Variants in EPO observed in about 807,000 individuals in gnomAD.
The protein encoded by EPO is erythropoietin, also known as epoetin.
In EPO, 12 loss-of-function variants were observed where a neutral mutation model predicts 24.4. The ratio of observed to expected loss-of-function variants is 0.49; its 90% CI spans 0.32 to 0.80. EPO has a LOEUF of 0.80. Ranked by LOEUF, EPO falls within the 30% of genes least tolerant of loss-of-function variation. The probability of loss-of-function intolerance (pLI) is 0.04; values close to 1 mark genes in which losing one functional copy is unlikely to be tolerated. For synonymous variants in EPO, 107 were observed against 104.0 expected (o/e 1.03, Z -0.18); for missense variants, 210 against 238.0 (o/e 0.88, Z 0.77).
At chr7:100,722,196 C>G in intron 3 of EPO, 148 bp downstream of exon 3, 1 of 759,764 alleles carries the variant, frequency 1.3e-6, no homozygotes. Context: ...CGTCTATAAT[C>G]CCAGGCTGAG....
In EPO at chr7:100,720,858, A is replaced by C; in HGVS notation, c.-123A>C. 1 of 1,220,312 alleles carries C rather than the reference A, an allele frequency of 8.2e-7. No homozygotes were observed. The highest frequency in any genetic ancestry group is 1.1e-6 in the Non-Finnish European group (1 of 941,946). The allele number at this position is 1,220,312 out of a possible 1,614,324, so 75.6% of individuals were successfully genotyped here. ...TGCTCCGACACCGCGCCCCCTGGAC[A>C]GCCGCCCTCTCCTCCAGGCCCGTGG... On this transcript the variant is annotated 5_prime_UTR_variant, in exon 1 of 5. Coordinates refer to ENST00000252723, the MANE Select transcript of EPO (RefSeq NM_000799.4).
In EPO at chr7:100,720,952, T is replaced by G. The variant is rs1048551551; in HGVS notation, c.-29T>G. On this transcript the variant is annotated 5_prime_UTR_variant, in exon 1 of 5. Transcript: ENST00000252723. ...GTGTGGTCACCCGGCGCGCCCCAGG[T>G]CGCTGAGGGACCCCGGCCAGGCGCG... The G allele has an allele frequency of 4.5e-6, 7 of 1,555,250 alleles. No individual in the cohort carries two copies. In the African/African-American group the frequency reaches 8.3e-5, roughly 18 times the overall value.
intron 4 of EPO, 47 bp downstream of exon 4, chr7:100,722,890 A>T (rs773954008): frequency 1.2e-6 from 2 of 1,607,288 alleles, no homozygotes; most frequent in South Asian, 2.2e-5. Context: ...TAAGAAGGGG[A>T]GAAGGGTCTT....
rs1175528789 is a variant in EPO at position 100,721,399 on chromosome 7, C to G, written c.14-159C>G. On this transcript the variant is annotated intron_variant, in intron 1 of 4. Coordinates refer to ENST00000252723, the MANE Select transcript of EPO (RefSeq NM_000799.4). The surrounding 1 kb of genome is among the most constrained non-coding windows in gnomAD (Gnocchi z 4.0). ...TGGGGGTGGGGTGTGCACACGGCAG[C>G]AGGATTGAATGAAGGCCAGGGAGGC... Among the ~76,000 whole-genome samples, 1 of 152,086 alleles carries G rather than the reference C, an allele frequency of 6.6e-6. No individual in the cohort carries two copies. The highest frequency in any genetic ancestry group is 1.5e-5 in the Non-Finnish European group (1 of 68,016).
chr7:100,722,668 G>A lies in EPO; in HGVS notation c.251G>A (p.Gly84Glu). The A allele has an allele frequency of 1.3e-6, 2 of 1,590,964 alleles. No individual in the cohort carries two copies. The highest frequency in any genetic ancestry group is 1.4e-5 in the African/African-American group (1 of 73,454). Reference protein sequence around the residue: ...NFYAWKRMEVGQQAVEVWQGL... With the variant: ...NFYAWKRMEVEQQAVEVWQGL... ...CCCAGAGTCCACTCCCTGTAGGTCGGGCAGCAGGCCGTAGAAGTCTGGCAG... is the reference window on the plus strand; with the variant it reads ...CCCAGAGTCCACTCCCTGTAGGTCGAGCAGCAGGCCGTAGAAGTCTGGCAG... The change falls in exon 4 of 5, where the codon GGG becomes GAG. Residue 84 changes from glycine to glutamate, a missense_variant. Gly to Glu is a moderately conservative substitution (Grantham distance 98). Transcript: ENST00000252723.
At position 100,723,059 on chromosome 7, in the gene EPO, C is replaced by T. The variant is rs752755372; in HGVS notation, c.508C>T (p.Arg170Ter). The T allele has an allele frequency of 8.1e-6, 13 of 1,614,134 alleles. No individual in the cohort carries two copies. Among genetic ancestry groups the T allele is most frequent in the Middle Eastern group, 1.6e-4 (1 of 6,062 alleles). ...ITADTFRKLF[R>*]VYSNFLRGKL... ...TGCTGACACTTTCCGCAAACTCTTC[C>T]GAGTCTACTCCAATTTCCTCCGGGG... Residue 170 changes from arginine (R) to a stop codon, truncating the protein, a stop_gained, in exon 5 of 5, where the codon CGA becomes TGA. Transcript: ENST00000252723. LOFTEE classifies it high-confidence loss of function.
chr7:100,722,012 C>G lies in EPO; in HGVS notation c.210C>G (p.Asp70Glu). The G allele has an allele frequency of 1.2e-6, 2 of 1,612,100 alleles. No homozygotes were observed. The highest frequency in any genetic ancestry group is 2.2e-5 in the East Asian group (1 of 44,874). Residue 70 changes from aspartate (D) to glutamate (E), a missense_variant, in exon 3 of 5, where the codon GAC (aspartate) becomes GAG (glutamate). By Grantham distance (45) the Asp-to-Glu change is conservative (BLOSUM62 2). Transcript: ENST00000252723. ...TGAATGAGAATATCACTGTCCCAGA[C>G]ACCAAAGTTAATTTCTATGCCTGGA... ...CSLNENITVP[D>E]TKVNFYAWKR...
rs749028009 is a variant in EPO, at chr7:100,723,091, G to A, written c.540G>A (p.Leu180=). 117 of 1,613,992 alleles carry A rather than the reference G, an allele frequency of 7.2e-5. 1 individual carries two copies. In the Admixed American group the frequency reaches 1.7e-3, roughly 23 times the overall value. The change falls in exon 5 of 5, where the codon CTG becomes CTA. Residue 180 remains leucine (L), a synonymous_variant. Coordinates refer to ENST00000252723, the MANE Select transcript of EPO (RefSeq NM_000799.4). ...ACTCCAATTTCCTCCGGGGAAAGCTGAAGCTGTACACAGGGGAGGCCTGCA... is the reference window on the plus strand; with the variant it reads ...ACTCCAATTTCCTCCGGGGAAAGCTAAAGCTGTACACAGGGGAGGCCTGCA... ...RVYSNFLRGK[L]KLYTGEACRT...
At chr7:100,722,143 A>G in intron 3 of EPO, 95 bp downstream of exon 3, 1 of 1,204,970 alleles carries the variant, frequency 8.3e-7, no homozygotes, top group Non-Finnish European at 1.1e-6. Flanking sequence ...GGGAAAGGTA[A>G]AATGGAGCAG....
In EPO at chr7:100,721,536, T is replaced by C. The variant is rs1259439122; in HGVS notation, c.14-22T>C. 1 of 1,610,162 alleles carries C rather than the reference T, an allele frequency of 6.2e-7. No homozygotes were observed. The highest frequency in any genetic ancestry group is 1.3e-5 in the African/African-American group (1 of 74,976). On this transcript the variant is annotated intron_variant, in intron 1 of 4. Transcript: ENST00000252723. The surrounding 1 kb of genome is among the most constrained non-coding windows in gnomAD (Gnocchi z 4.0). ...ACCCTTCTCCCTCCCCGCCTGACTC[T>C]CAGCCTGGCTATCTGTTCTAGAATG...
In EPO at chr7:100,723,055, C is replaced by T; in HGVS notation, c.504C>T (p.Leu168=). Residue 168 remains leucine, a synonymous_variant, in exon 5 of 5, where the codon CTC becomes CTT. Coordinates refer to ENST00000252723, the MANE Select transcript of EPO (RefSeq NM_000799.4). The part of the protein sequence containing the change: ...RTITADTFRK[L]FRVYSNFLRG... ...TCACTGCTGACACTTTCCGCAAACT[C>T]TTCCGAGTCTACTCCAATTTCCTCC... The T allele has an allele frequency of 6.2e-7, 1 of 1,614,184 alleles. No homozygotes were observed. Among genetic ancestry groups the T allele is most frequent in the Non-Finnish European group, 8.5e-7 (1 of 1,180,040 alleles).
Position 100,722,045 on chromosome 7 carries a change from G to A in EPO, c.243G>A (p.Met81Ile). 1 of 1,582,784 alleles carries A rather than the reference G, an allele frequency of 6.3e-7. No homozygotes were observed. The highest frequency in any genetic ancestry group is 1.2e-5 in the South Asian group (1 of 85,292). The change falls in exon 3 of 5, where the codon ATG (methionine) becomes ATA (isoleucine). Residue 81 changes from methionine to isoleucine, a missense_variant. Transcript: ENST00000252723. ...TTAATTTCTATGCCTGGAAGAGGAT[G>A]GAGGTGAGTTCCTTTTTTTTTTTTT... ...TKVNFYAWKRMEVGQQAVEVW... is the reference protein window; with the variant it reads ...TKVNFYAWKRIEVGQQAVEVW...
chr7:100,721,526 C>T lies in EPO; in HGVS notation c.14-32C>T, dbSNP rs367727871. On this transcript the variant is annotated intron_variant, in intron 1 of 4. Coordinates refer to ENST00000252723, the MANE Select transcript of EPO (RefSeq NM_000799.4). This position sits in a 1 kb window ranked among gnomAD's most constrained non-coding sequence, Gnocchi z 4.0. The stretch of plus-strand genomic sequence containing the variant: ...TTCCACAGCCACCCTTCTCCCTCCC[C>T]GCCTGACTCTCAGCCTGGCTATCTG... The T allele has an allele frequency of 3.0e-4, 482 of 1,606,884 alleles. No homozygotes were observed. The highest frequency in any genetic ancestry group is 3.9e-4 in the Non-Finnish European group (462 of 1,175,864).
chr7:100,723,132 G>A lies in EPO; in HGVS notation c.581G>A (p.Ter194=), dbSNP rs1336652999. Residue 194 remains the stop codon, a stop_retained_variant, in exon 5 of 5, where the codon TGA becomes TAA. Coordinates refer to ENST00000252723, the MANE Select transcript of EPO (RefSeq NM_000799.4). ...TGEACRTGDR[*] ...GAGGCCTGCAGGACAGGGGACAGATGACCAGGTGTGTCCACCTGGGCATAT... is the reference window on the plus strand; with the variant it reads ...GAGGCCTGCAGGACAGGGGACAGATAACCAGGTGTGTCCACCTGGGCATAT... 1 of 1,613,412 alleles carries A rather than the reference G, an allele frequency of 6.2e-7. No homozygotes were observed.
Position 100,721,155 on chromosome 7 carries a change from G to A in EPO, c.13+162G>A, listed in dbSNP as rs1806734090. Among the ~76,000 whole-genome samples the A allele has an allele frequency of 6.6e-6, 1 of 152,172 alleles. No homozygotes were observed. The highest frequency in any genetic ancestry group is 2.4e-5 in the African/African-American group (1 of 41,436). On this transcript the variant is annotated intron_variant, in intron 1 of 4. Coordinates refer to ENST00000252723, the MANE Select transcript of EPO (RefSeq NM_000799.4). The surrounding 1 kb of genome is among the most constrained non-coding windows in gnomAD (Gnocchi z 4.0). The stretch of plus-strand genomic sequence containing the variant: ...GGTGGGGCAGCCTCCACGTGCCAGC[G>A]GGGACTTGGGGGAGTCCTTGGGGAT...
In EPO at chr7:100,721,950, T is replaced by C; in HGVS notation, c.160-12T>C. ...CAGGGACCCTTGACTCCCCGGGCTGTGTGCATTTCAGACGGGCTGTGCTGA... is the reference window on the plus strand; with the variant it reads ...CAGGGACCCTTGACTCCCCGGGCTGCGTGCATTTCAGACGGGCTGTGCTGA... On this transcript the variant is annotated splice_polypyrimidine_tract_variant and intron_variant, in intron 2 of 4. Coordinates refer to ENST00000252723, the MANE Select transcript of EPO (RefSeq NM_000799.4). This position sits in a 1 kb window ranked among gnomAD's most constrained non-coding sequence, Gnocchi z 4.0. The C allele has an allele frequency of 6.2e-7, 1 of 1,603,244 alleles. No individual in the cohort carries two copies. Among genetic ancestry groups the C allele is most frequent in the Non-Finnish European group, 8.5e-7 (1 of 1,177,246 alleles).
chr7:100,721,839 G>C lies in EPO; in HGVS notation c.160-123G>C. 1 of 1,505,910 alleles carries C rather than the reference G, an allele frequency of 6.6e-7. No homozygotes were observed. The highest frequency in any genetic ancestry group is 8.9e-7 in the Non-Finnish European group (1 of 1,119,860). The allele number at this position is 1,505,910 out of a possible 1,614,324, so 93.3% of individuals were successfully genotyped here. On this transcript the variant is annotated intron_variant, in intron 2 of 4. Coordinates refer to ENST00000252723, the MANE Select transcript of EPO (RefSeq NM_000799.4). This position sits in a 1 kb window ranked among gnomAD's most constrained non-coding sequence, Gnocchi z 4.0. Reference sequence around the variant, plus strand: ...ACACTGCCCCCCTACATAAGAATAAGTCTGGTGGCCCCAAACCATACCTGG... The same window carrying C: ...ACACTGCCCCCCTACATAAGAATAACTCTGGTGGCCCCAAACCATACCTGG...
chr7:100,723,182 C>T lies in EPO; in HGVS notation c.*49C>T. 1 of 1,573,492 alleles carries T rather than the reference C, an allele frequency of 6.4e-7. No homozygotes were observed. The highest frequency in any genetic ancestry group is 1.2e-5 in the South Asian group (1 of 82,898). ...TCCACCACCTCCCTCACCAACATTG[C>T]TTGTGCCACACCCTCCCCCGCCACT... is the stretch of plus-strand genomic sequence containing the variant. On this transcript the variant is annotated 3_prime_UTR_variant, in exon 5 of 5. Transcript: ENST00000252723.
Position 100,721,801 on chromosome 7 carries a change from G to C in EPO, c.159+98G>C. On this transcript the variant is annotated intron_variant, in intron 2 of 4. Transcript: ENST00000252723. The surrounding 1 kb of genome is among the most constrained non-coding windows in gnomAD (Gnocchi z 4.0). The stretch of plus-strand genomic sequence containing the variant: ...AACCTGGCACTTGGTTTGGGGTGGA[G>C]TTGGGAAGCTAGACACTGCCCCCCT... 3 of 1,527,598 alleles carry C rather than the reference G, an allele frequency of 2.0e-6. No homozygotes were observed. The highest frequency in any genetic ancestry group is 2.5e-5 in the South Asian group (2 of 79,100). 94.6% of individuals were successfully genotyped at this position (1,527,598 alleles called of 1,614,324 possible). A position where few individuals can be genotyped will look rare whatever the true frequency, so the allele number is the denominator to read the frequency against.
Sources: gnomAD v4.1 joint callset for allele counts (sites outside exome capture counted in the v4.1 genomes callset) on GRCh38, gnomAD v4.1.1 for gene constraint, Gnocchi (gnomAD v3.1) non-coding constraint, MANE v1.5 for transcripts, NCBI Gene and HGNC (gene_info 2026-07-23, HGNC 2026-07-21) for gene names.